Variants in GPC6 observed in about 807,000 individuals in gnomAD.
The protein encoded by GPC6 is glypican 6, also known as glypican-6.
GPC6 carries 14 observed loss-of-function variants against 55.2 expected under a neutral mutation model. The ratio of observed to expected loss-of-function variants is 0.25; its 90% CI spans 0.17 to 0.40. The LOEUF (loss-of-function observed/expected upper bound fraction) is 0.40, where lower values mean the gene tolerates loss of function less well. Ranked by LOEUF, GPC6 falls within the 10% of genes least tolerant of loss-of-function variation. GPC6 has a pLI of 1.00. For synonymous variants in GPC6, 278 were observed against 259.6 expected (o/e 1.07, Z -0.68); for missense variants, 641 against 708.5 (o/e 0.90, Z 1.08).
chr13:93,439,640 C>T (rs75204068), intron 1 of GPC6, among the ~76,000 whole-genome samples: 10,244 of 147,400 alleles, frequency 0.069, 502 homozygotes, highest in Non-Finnish European at 0.11. Context: ...CTAGCCTGGG[C>T]GACAAAAGTG....
intron 2 of GPC6, among the ~76,000 whole-genome samples, chr13:93,747,501 G>C (rs12871975): frequency 1.1e-4 from 17 of 152,168 alleles, no homozygotes; most frequent in Non-Finnish European, 1.9e-4. Flanking sequence ...CCCTGTCGCT[G>C]TCGCATTCCC....
intron 3 of GPC6, among the ~76,000 whole-genome samples, chr13:94,008,709 A>G (rs1272836621): frequency 6.6e-6 from 1 of 152,202 alleles, no homozygotes; most frequent in Non-Finnish European, 1.5e-5. Context: ...TATTGTAAAT[A>G]TTAACAGTTA....
intron 2 of GPC6, among the ~76,000 whole-genome samples, chr13:93,568,214 C>A (rs1017226049): frequency 6.6e-6 from 1 of 152,172 alleles, no homozygotes; most frequent in African/African-American, 2.4e-5. Context: ...AGGCTGCCTA[C>A]ATTTTTTATT....
chr13:93,231,733 C>T (rs1380576696), intron 1 of GPC6, among the ~76,000 whole-genome samples: 3 of 151,878 alleles, frequency 2.0e-5, no homozygotes, highest in Non-Finnish European at 1.5e-5. Context: ...CAACAAAGCT[C>T]ATGCTGGAAA....
chr13:93,577,200 A>G (rs1055626265), intron 2 of GPC6, among the ~76,000 whole-genome samples: 9 of 152,288 alleles, frequency 5.9e-5, no homozygotes, highest in African/African-American at 2.2e-4. Context: ...CAAAATCACA[A>G]ATATTCCCAA....
At chr13:93,961,570 CT>C (rs1160487488) in intron 3 of GPC6, among the ~76,000 whole-genome samples, 81 of 152,244 alleles carry the variant, frequency 5.3e-4, no homozygotes, top group Non-Finnish European at 1.5e-5. Context: ...CACAGAATAG[CT>C]TTTGAAATGC....
At chr13:94,292,136 T>C (rs1875018614) in intron 5 of GPC6, among the ~76,000 whole-genome samples, 1 of 152,224 alleles carries the variant, frequency 6.6e-6, no homozygotes, top group Non-Finnish European at 1.5e-5. Context: ...TAGAGCTCCC[T>C]ATTTCGCAAA....
chr13:93,730,022 G>A (rs570684001), intron 2 of GPC6, among the ~76,000 whole-genome samples: 43 of 152,250 alleles, frequency 2.8e-4, no homozygotes, highest in African/African-American at 1.0e-3. Flanking sequence ...GAGTGTTTGT[G>A]GCATTGGTAA....
rs748637331 is a variant in GPC6 at position 94,305,990 on chromosome 13, G to C, written c.1019G>C (p.Gly340Ala). Residue 340 changes from glycine (G) to alanine (A), a missense_variant, in exon 6 of 9, where the codon GGA (glycine) becomes GCA (alanine). Physicochemically the swap from Gly to Ala is moderately conservative, Grantham distance 60 (BLOSUM62 0). Coordinates refer to ENST00000377047, the MANE Select transcript of GPC6 (RefSeq NM_005708.5). ...CAATGGTTCTTCCAGGTCTTTCAGG[G>C]ATGTGGTCAGCCCAAACCTGCTCCA... Reference protein sequence around the residue: ...SMQVSAKVFQGCGQPKPAPAL... With the variant: ...SMQVSAKVFQACGQPKPAPAL... 6.2e-7 allele frequency: 1 copy of C among 1,613,978 alleles called. No individual in the cohort carries two copies. Among genetic ancestry groups the C allele is most frequent in the Non-Finnish European group, 8.5e-7 (1 of 1,180,008 alleles).
intron 1 of GPC6, among the ~76,000 whole-genome samples, chr13:93,530,600 T>A (rs978446948): frequency 1.3e-5 from 2 of 152,164 alleles, no homozygotes; most frequent in Non-Finnish European, 2.9e-5. Flanking sequence ...CCGGCGCATA[T>A]TGGTTTGTGA....
intron 7 of GPC6, among the ~76,000 whole-genome samples, chr13:94,392,506 CA>C (rs1300168365): frequency 2.0e-5 from 3 of 148,946 alleles, no homozygotes; most frequent in Non-Finnish European, 4.4e-5. Flanking sequence ...CTCAGCTCAC[CA>C]CAACCTCCGC....
chr13:94,205,973 C>G (rs1889890592), intron 4 of GPC6, among the ~76,000 whole-genome samples: 1 of 152,094 alleles, frequency 6.6e-6, no homozygotes, highest in Non-Finnish European at 1.5e-5. Flanking sequence ...CTGCTGGCAT[C>G]TAGTTGGTAG....
At chr13:93,431,614 C>T (rs1877361477) in intron 1 of GPC6, among the ~76,000 whole-genome samples, 1 of 151,972 alleles carries the variant, frequency 6.6e-6, no homozygotes, top group African/African-American at 2.4e-5. Flanking sequence ...ACATTCAAAA[C>T]ACACACATCC....
At chr13:94,169,759 A>T (rs1010978457) in intron 4 of GPC6, among the ~76,000 whole-genome samples, 2 of 151,970 alleles carry the variant, frequency 1.3e-5, no homozygotes, top group Non-Finnish European at 2.9e-5. Context: ...TCAGATTCAC[A>T]CTCCCTGGAG....
intron 1 of GPC6, among the ~76,000 whole-genome samples, chr13:93,438,176 C>G (rs1263424612): frequency 1.3e-5 from 2 of 152,094 alleles, no homozygotes; most frequent in African/African-American, 4.8e-5. Context: ...ACCTGGTCAC[C>G]CAAGAGCTCT....
chr13:93,681,337 T>A (rs1453199990), intron 2 of GPC6, among the ~76,000 whole-genome samples: 1 of 152,230 alleles, frequency 6.6e-6, no homozygotes, highest in Non-Finnish European at 1.5e-5. Context: ...CAGGACATTG[T>A]ATTACTTTTG....
At position 94,404,386 on chromosome 13, in the gene GPC6, T is replaced by C. The variant is rs886050353; in HGVS notation, c.*1169T>C. 35 of 152,192 alleles carry C rather than the reference T, an allele frequency of 2.3e-4. 1 individual carries two copies. The highest frequency in any genetic ancestry group is 2.3e-3 in the Admixed American group (35 of 15,284). 9.4% of individuals were successfully genotyped at this position (152,192 alleles called of 1,614,324 possible). A position where few individuals can be genotyped will look rare whatever the true frequency, so the allele number is the denominator to read the frequency against. On this transcript the variant is annotated 3_prime_UTR_variant, in exon 9 of 9. Coordinates refer to ENST00000377047, the MANE Select transcript of GPC6 (RefSeq NM_005708.5). ...GTATGATCATCTATTTTTATATCTA[T>C]GTATATATAAATCACAGATTTTAAC...
chr13:94,253,281 G>A (rs1366773938), intron 4 of GPC6, among the ~76,000 whole-genome samples: 1 of 152,058 alleles, frequency 6.6e-6, no homozygotes, highest in African/African-American at 2.4e-5. Context: ...GAAAAGAAGG[G>A]TGTTATTTAA....
At chr13:94,172,067 A>G (rs2138931045) in intron 4 of GPC6, among the ~76,000 whole-genome samples, 1 of 152,242 alleles carries the variant, frequency 6.6e-6, no homozygotes, top group East Asian at 1.9e-4. Context: ...ATGCCCCCCA[A>G]ATTGCACACA....
Sources: allele counts gnomAD v4.1 joint callset (sites outside exome capture counted in the v4.1 genomes callset), GRCh38; gene constraint gnomAD v4.1.1; transcripts MANE v1.5; gene names NCBI Gene and HGNC (gene_info 2026-07-23, HGNC 2026-07-21).